PIP4K2A: variants seen among roughly 807,000 people sequenced by gnomAD.
PIP4K2A encodes the protein phosphatidylinositol-5-phosphate 4-kinase type 2 alpha.
PIP4K2A carries 14 observed loss-of-function variants against 42.9 expected under a neutral mutation model. That is an observed-to-expected ratio of 0.33 (90% confidence interval 0.22 to 0.51). PIP4K2A has a LOEUF of 0.51. Ranked by LOEUF, PIP4K2A falls within the 20% of genes least tolerant of loss-of-function variation. The pLI is 0.97. For synonymous variants in PIP4K2A, 192 were observed against 192.2 expected (o/e 1.00, Z 0.01); for missense variants, 434 against 519.8 (o/e 0.83, Z 1.61).
intron 1 of PIP4K2A, among the ~76,000 whole-genome samples, chr10:22,639,150 G>A (rs986144599): frequency 6.6e-6 from 1 of 151,984 alleles, no homozygotes; most frequent in African/African-American, 2.4e-5. Flanking sequence ...CCAAATCAAA[G>A]ACATCAGAAA....
intron 1 of PIP4K2A, among the ~76,000 whole-genome samples, chr10:22,626,265 A>C (rs1234442971): frequency 6.6e-6 from 1 of 152,224 alleles, no homozygotes; most frequent in African/African-American, 2.4e-5. Flanking sequence ...CTTAAAAAAA[A>C]AGAGTAACTT....
chr10:22,616,325 TGTGCCA>T (rs1432035000), intron 1 of PIP4K2A, among the ~76,000 whole-genome samples: 3 of 152,154 alleles, frequency 2.0e-5, no homozygotes, highest in Admixed American at 6.5e-5. Context: ...TAGGTGCACA[TGTGCCA>T]AGACCCACGT....
chr10:22,620,120 T>TA (rs1348533608), intron 1 of PIP4K2A, among the ~76,000 whole-genome samples: 1 of 152,222 alleles, frequency 6.6e-6, no homozygotes, highest in East Asian at 1.9e-4. Context: ...ATTTATAACA[T>TA]AGACACAAAC....
chr10:22,670,088 A>T (rs1190990080), intron 1 of PIP4K2A, among the ~76,000 whole-genome samples: 1 of 152,208 alleles, frequency 6.6e-6, no homozygotes, highest in Non-Finnish European at 1.5e-5. Flanking sequence ...ACAACTAAAA[A>T]GTATGACAGG....
At chr10:22,690,651 T>C (rs907879428) in intron 1 of PIP4K2A, among the ~76,000 whole-genome samples, 9 of 152,168 alleles carry the variant, frequency 5.9e-5, no homozygotes, top group African/African-American at 2.2e-4. Context: ...TGAGTGCACA[T>C]GGACTGACAT....
chr10:22,687,472 G>A lies in PIP4K2A; in HGVS notation c.144+26711C>T, dbSNP rs1423583099. 3.3e-5 allele frequency among the ~76,000 whole-genome samples: 5 copies of A among 152,104 alleles called. No individual in the cohort carries two copies. In the East Asian group the frequency reaches 5.8e-4, roughly 18 times the overall value. ...TGTAGACCTCATGTATTAACATGAG[G>A]CCTAGAGTTCATAAAACTGTATTGG... On this transcript the variant is annotated intron_variant, in intron 1 of 9. Coordinates refer to ENST00000376573, the MANE Select transcript of PIP4K2A (RefSeq NM_005028.5).
intron 1 of PIP4K2A, among the ~76,000 whole-genome samples, chr10:22,701,014 C>T (rs1223108946): frequency 1.3e-5 from 2 of 152,172 alleles, no homozygotes; most frequent in Non-Finnish European, 2.9e-5. Flanking sequence ...ACCCTTTATG[C>T]TTTTCTATGC....
intron 3 of PIP4K2A, among the ~76,000 whole-genome samples, chr10:22,605,170 C>T (rs1456319037): frequency 6.6e-6 from 1 of 151,914 alleles, no homozygotes; most frequent in Non-Finnish European, 1.5e-5. Flanking sequence ...ACTGAAGTGA[C>T]TCTGAATACA....
chr10:22,664,140 TAC>T (rs1226083974), intron 1 of PIP4K2A, among the ~76,000 whole-genome samples: 549 of 44,790 alleles, frequency 0.012, 33 homozygotes, highest in African/African-American at 0.11. Context: ...CATATATATA[TAC>T]ATATATATAC....
intron 6 of PIP4K2A, among the ~76,000 whole-genome samples, chr10:22,557,469 T>A (rs188979787): frequency 6.6e-6 from 1 of 152,346 alleles, no homozygotes; most frequent in Non-Finnish European, 1.5e-5. Context: ...TTGTTTGAAG[T>A]GGGAATTAAC....
intron 1 of PIP4K2A, among the ~76,000 whole-genome samples, chr10:22,685,169 A>G (rs184164285): frequency 6.6e-6 from 1 of 152,270 alleles, no homozygotes; most frequent in East Asian, 1.9e-4. Context: ...TAAGAAGTAC[A>G]ACTTATAATT....
intron 4 of PIP4K2A, among the ~76,000 whole-genome samples, chr10:22,577,740 C>T (rs1234053652): frequency 6.6e-6 from 1 of 152,230 alleles, no homozygotes. Context: ...TGAGCATCCT[C>T]CCTCTCAGTC....
intron 8 of PIP4K2A, 152 bp from the exon 9 acceptor site, chr10:22,540,226 C>A: frequency 4.8e-6 from 3 of 623,486 alleles, no homozygotes; most frequent in Non-Finnish European, 8.6e-6. Flanking sequence ...CTCTACACCA[C>A]CCCTGCGGAT....
chr10:22,664,192 C>CATATATATACAT (rs1839298175), intron 1 of PIP4K2A, among the ~76,000 whole-genome samples: 3 of 55,494 alleles, frequency 5.4e-5, no homozygotes, highest in African/African-American at 1.2e-4. Context: ...CATATATATA[C>CATATATATACAT]ATATATATAT....
chr10:22,613,778 CA>C (rs539946433), intron 1 of PIP4K2A, among the ~76,000 whole-genome samples: 220 of 152,246 alleles, frequency 1.4e-3, no homozygotes, highest in African/African-American at 5.1e-3. Flanking sequence ...TGGCAGAGCT[CA>C]ACCCCAGGGT....
chr10:22,548,098 C>T (rs552779513), intron 7 of PIP4K2A, among the ~76,000 whole-genome samples: 5 of 152,178 alleles, frequency 3.3e-5, no homozygotes, highest in Admixed American at 6.5e-5. Flanking sequence ...ACAGAAAACT[C>T]GATTAAATTC....
chr10:22,637,481 G>A (rs1210091731), intron 1 of PIP4K2A, among the ~76,000 whole-genome samples: 2 of 152,266 alleles, frequency 1.3e-5, no homozygotes, highest in East Asian at 3.9e-4. Flanking sequence ...ATGGAAACCT[G>A]CCCAAACATA....
At chr10:22,549,126 A>T (rs1290172842) in intron 7 of PIP4K2A, among the ~76,000 whole-genome samples, 2 of 152,216 alleles carry the variant, frequency 1.3e-5, no homozygotes, top group African/African-American at 4.8e-5. Context: ...AAGTATGTAT[A>T]CTATAAATAA....
At chr10:22,699,808 C>A (rs1265707653) in intron 1 of PIP4K2A, among the ~76,000 whole-genome samples, 1 of 152,100 alleles carries the variant, frequency 6.6e-6, no homozygotes, top group Non-Finnish European at 1.5e-5. Context: ...CTAAGTTCTA[C>A]ATAGACACTA....
Sources: allele counts gnomAD v4.1 joint callset (sites outside exome capture counted in the v4.1 genomes callset), GRCh38; gene constraint gnomAD v4.1.1; transcripts MANE v1.5; gene names NCBI Gene and HGNC (gene_info 2026-07-23, HGNC 2026-07-21).